NRG1: variants seen among roughly 807,000 people sequenced by gnomAD.
NRG1 encodes neuregulin 1.
NRG1 carries 18 observed loss-of-function variants against 63.8 expected under a neutral mutation model. That is an observed-to-expected ratio of 0.28 (90% CI 0.19 to 0.42). The LOEUF is 0.42. Among genes scored for constraint, NRG1 ranks in the 10% least tolerant of loss-of-function variants. The pLI, the probability that NRG1 is intolerant of heterozygous loss-of-function variation, is 1.00. For synonymous variants in NRG1, 302 were observed against 301.3 expected (o/e 1.00, Z -0.02); for missense variants, 762 against 814.7 (o/e 0.94, Z 0.79).
intron 1 of NRG1, among the ~76,000 whole-genome samples, chr8:32,454,866 C>T (rs953390693): frequency 6.6e-6 from 1 of 152,276 alleles, no homozygotes; most frequent in East Asian, 1.9e-4. Context: ...AAGCTCCATT[C>T]ATGGGAAAGG....
intron 1 of NRG1, among the ~76,000 whole-genome samples, chr8:32,260,037 G>A (rs1190495000): frequency 6.6e-6 from 1 of 152,096 alleles, no homozygotes; most frequent in African/African-American, 2.4e-5. Flanking sequence ...TCATATTCAT[G>A]TACACTTCTC....
chr8:31,857,849 C>A (rs867861021), intron 1 of NRG1, among the ~76,000 whole-genome samples: 1 of 152,142 alleles, frequency 6.6e-6, no homozygotes, highest in Non-Finnish European at 1.5e-5. Flanking sequence ...ACATCAACAA[C>A]AAATTTGGCC....
intron 1 of NRG1, among the ~76,000 whole-genome samples, chr8:31,755,810 G>A (rs1242053325): frequency 2.6e-5 from 4 of 152,070 alleles, no homozygotes; most frequent in African/African-American, 9.7e-5. Context: ...ATCACCAACT[G>A]CAATGTGAGA....
intron 1 of NRG1, among the ~76,000 whole-genome samples, chr8:31,695,001 G>A (rs568206896): frequency 5.3e-5 from 8 of 152,262 alleles, no homozygotes; most frequent in East Asian, 1.9e-4. Context: ...AGTAATTTAC[G>A]AAGCAAAGAG....
chr8:31,683,564 C>A (rs1256127413), intron 1 of NRG1, among the ~76,000 whole-genome samples: 1 of 152,134 alleles, frequency 6.6e-6, no homozygotes, highest in Non-Finnish European at 1.5e-5. Flanking sequence ...GTAGGCAGAG[C>A]ATGTAGGATC....
intron 1 of NRG1, among the ~76,000 whole-genome samples, chr8:32,074,009 A>C (rs1329153168): frequency 1.3e-5 from 2 of 152,192 alleles, no homozygotes. Context: ...ATCACTAGAC[A>C]AAGACAACCT....
chr8:32,550,936 C>A lies in NRG1; in HGVS notation c.100+2110C>A, dbSNP rs573163993. On this transcript the variant is annotated intron_variant, in intron 1 of 11. Coordinates refer to ENST00000356819, the Ensembl canonical transcript of NRG1. ...TTTTTTGGGGAGGGACTTTTTACCC[C>A]CTTCGAAGCATCTTGTGCTTTTTAA... Among the ~76,000 whole-genome samples, 3 of 152,216 alleles carry A rather than the reference C, an allele frequency of 2.0e-5. No homozygotes were observed. The South Asian group carries it at 6.2e-4, about 32-fold the overall frequency.
intron 1 of NRG1, among the ~76,000 whole-genome samples, chr8:31,855,837 G>T (rs889504124): frequency 2.0e-5 from 3 of 152,108 alleles, no homozygotes; most frequent in East Asian, 3.9e-4. Context: ...GCATTTGCTT[G>T]TCTGTAAAGT....
chr8:31,807,447 G>A (rs1320458938), intron 1 of NRG1, among the ~76,000 whole-genome samples: 3 of 152,220 alleles, frequency 2.0e-5, no homozygotes, highest in African/African-American at 7.2e-5. Context: ...TATCCTGGGG[G>A]TATCACAGTG....
At chr8:32,511,367 G>GTGTGTATATA (rs1338353608) in intron 1 of NRG1, among the ~76,000 whole-genome samples, 4 of 122,076 alleles carry the variant, frequency 3.3e-5, no homozygotes, top group Non-Finnish European at 6.9e-5. Context: ...ATATATATGT[G>GTGTGTATATA]TATATATATA....
intron 5 of NRG1, among the ~76,000 whole-genome samples, chr8:32,653,720 T>C (rs1313197752): frequency 2.0e-5 from 3 of 152,254 alleles, no homozygotes; most frequent in Non-Finnish European, 4.4e-5. Flanking sequence ...TATTTTTATG[T>C]ATTGTTTTGG....
chr8:32,030,630 C>T (rs918629434), intron 1 of NRG1, among the ~76,000 whole-genome samples: 3 of 152,036 alleles, frequency 2.0e-5, no homozygotes, highest in South Asian at 4.1e-4. Flanking sequence ...TTAGAGACTC[C>T]GTTGGGGATG....
intron 3 of NRG1, among the ~76,000 whole-genome samples, chr8:32,613,060 G>A (rs1370059693): frequency 1.3e-5 from 2 of 151,894 alleles, no homozygotes; most frequent in African/African-American, 2.4e-5. Flanking sequence ...TTACCAATTC[G>A]GAATATCCTC....
At chr8:32,710,166 A>T (rs1346220987) in intron 5 of NRG1, among the ~76,000 whole-genome samples, 2 of 152,198 alleles carry the variant, frequency 1.3e-5, no homozygotes, top group South Asian at 4.1e-4. Context: ...TATTTTTAAG[A>T]GTTTCTTGTG....
At chr8:32,487,295 C>T (rs574670947) in intron 1 of NRG1, among the ~76,000 whole-genome samples, 1 of 152,140 alleles carries the variant, frequency 6.6e-6, no homozygotes, top group African/African-American at 2.4e-5. Flanking sequence ...TGCCCATGAC[C>T]CCACCTATTG....
intron 1 of NRG1, among the ~76,000 whole-genome samples, chr8:31,642,491 A>T (rs1466834630): frequency 2.0e-5 from 3 of 152,212 alleles, no homozygotes; most frequent in Non-Finnish European, 4.4e-5. Context: ...TAAAGTTCTT[A>T]CAAGCATCCA....
At chr8:32,209,712 C>CCCTTCCTTCCTTCCTTCCTT (rs200085311) in intron 1 of NRG1, among the ~76,000 whole-genome samples, 22 of 131,986 alleles carry the variant, frequency 1.7e-4, no homozygotes, top group East Asian at 9.5e-4. Flanking sequence ...TTCTCTCTTT[C>CCCTTCCTTCCTTCCTTCCTT]CCTTCCTTCC....
chr8:32,761,024 G>A, intron 11 of NRG1: 7 of 981,880 alleles, frequency 7.1e-6, no homozygotes, highest in Non-Finnish European at 7.3e-6. Context: ...TTTCAAAGCA[G>A]ATACTGCCTT....
intron 1 of NRG1, among the ~76,000 whole-genome samples, chr8:31,991,884 T>A (rs1242477102): frequency 6.6e-6 from 1 of 152,070 alleles, no homozygotes; most frequent in East Asian, 1.9e-4. Context: ...TCTAATACAA[T>A]TTTTATCAAG....
Sources: gnomAD v4.1 joint callset for allele counts (sites outside exome capture counted in the v4.1 genomes callset) on GRCh38, gnomAD v4.1.1 for gene constraint, MANE v1.5 for transcripts, NCBI Gene and HGNC (gene_info 2026-07-23, HGNC 2026-07-21) for gene names.